The following RBM19 variants were observed in gnomAD, a reference collection of about 807,000 sequenced individuals.
RBM19 encodes RNA binding motif protein 19.
RBM19 carries 94 observed loss-of-function variants against 116.8 expected under a neutral mutation model. The observed-to-expected ratio is 0.80, with a 90% CI of 0.68 to 0.95. The LOEUF is 0.95. RBM19 is among the 40% of genes least tolerant of loss of function. The pLI is 0.00. For missense variants in RBM19, 1,161 were observed against 1,220.7 expected, an observed-to-expected ratio of 0.95 and a Z score of 0.73; for synonymous variants, 475 against 494.1, an observed-to-expected ratio of 0.96 and a Z score of 0.51.
intron 23 of RBM19, among the ~76,000 whole-genome samples, chr12:113,833,586 G>T (rs1325047536): frequency 6.6e-6 from 1 of 152,174 alleles, no homozygotes; most frequent in East Asian, 1.9e-4. Context: ...CATGGCTTCT[G>T]CTACCTGGGA....
chr12:113,876,803 A>C (rs573737498), intron 21 of RBM19, among the ~76,000 whole-genome samples: 4 of 152,284 alleles, frequency 2.6e-5, no homozygotes, highest in African/African-American at 7.2e-5. Context: ...AAAAAATAGT[A>C]ATAATACAAT....
In RBM19 at chr12:113,943,489, T is replaced by G. The variant is rs555352390; in HGVS notation, c.1627-1055A>C. Among the ~76,000 whole-genome samples the G allele has an allele frequency of 4.3e-3, 572 of 132,952 alleles. 4 individuals carry two copies. Among genetic ancestry groups the G allele is most frequent in the Non-Finnish European group, 7.1e-3 (424 of 59,624 alleles). The allele number at this position is 132,952 out of a possible 152,430, so 87.2% of individuals were successfully genotyped here. A position where few individuals can be genotyped will look rare whatever the true frequency, so the allele number is the denominator to read the frequency against. On this transcript the variant is annotated intron_variant, in intron 13 of 23. Transcript: ENST00000261741. The stretch of plus-strand genomic sequence containing the variant: ...GTGAGGAAAAAAAGACTACAATAGC[T>G]TGCAATTTTTTTTTTTAACATTGTG...
chr12:113,860,676 G>C (rs1258686340), intron 21 of RBM19, among the ~76,000 whole-genome samples: 1 of 152,174 alleles, frequency 6.6e-6, no homozygotes, highest in Non-Finnish European at 1.5e-5. Flanking sequence ...CACTAGCCCC[G>C]AGATGTCTTT....
intron 2 of RBM19, among the ~76,000 whole-genome samples, chr12:113,960,699 T>C (rs1872417575): frequency 1.3e-5 from 2 of 152,184 alleles, no homozygotes; most frequent in South Asian, 2.1e-4. Context: ...AACCAGGCTC[T>C]GGGCAGGGTA....
chr12:113,862,390 G>T (rs1338774048), intron 21 of RBM19, among the ~76,000 whole-genome samples: 1 of 152,070 alleles, frequency 6.6e-6, no homozygotes, highest in Non-Finnish European at 1.5e-5. Flanking sequence ...CTTGTATAAC[G>T]GTGTGGGATC....
chr12:113,925,001 G>A (rs7975250), intron 17 of RBM19, among the ~76,000 whole-genome samples: 70,641 of 151,876 alleles, frequency 0.47, 16,491 homozygotes, highest in East Asian at 0.67. Context: ...AGAACAGCGA[G>A]AGACTGACTG....
chr12:113,897,742 C>G (rs1359431108), intron 21 of RBM19, among the ~76,000 whole-genome samples: 2 of 152,244 alleles, frequency 1.3e-5, no homozygotes, highest in Admixed American at 6.5e-5. Flanking sequence ...GCCACCACTC[C>G]TGCAGATTAC....
intron 22 of RBM19, among the ~76,000 whole-genome samples, chr12:113,846,823 C>T (rs1156609427): frequency 6.6e-6 from 1 of 152,182 alleles, no homozygotes; most frequent in Non-Finnish European, 1.5e-5. Flanking sequence ...AGCAATCCTC[C>T]CACCTTGGCC....
intron 22 of RBM19, among the ~76,000 whole-genome samples, chr12:113,849,649 C>T (rs1042191199): frequency 1.3e-5 from 2 of 152,144 alleles, no homozygotes; most frequent in African/African-American, 4.8e-5. Flanking sequence ...CACTATGGCT[C>T]GAGAGATCGC....
intron 19 of RBM19, among the ~76,000 whole-genome samples, chr12:113,919,787 C>T (rs1280395995): frequency 6.6e-6 from 1 of 152,040 alleles, no homozygotes; most frequent in Non-Finnish European, 1.5e-5. Context: ...CCCTGTTCTC[C>T]CCACCTTCTC....
At chr12:113,943,494 A>AT (rs11422548) in intron 13 of RBM19, among the ~76,000 whole-genome samples, 24,850 of 150,448 alleles carry the variant, frequency 0.17, 2,766 homozygotes, top group African/African-American at 0.32. Flanking sequence ...ATAGCTTGCA[A>AT]TTTTTTTTTT....
chr12:113,860,064 G>A (rs918104539), intron 21 of RBM19, among the ~76,000 whole-genome samples: 9 of 152,330 alleles, frequency 5.9e-5, no homozygotes, highest in South Asian at 2.1e-4. Flanking sequence ...GAATCTGCAC[G>A]TCTCCTCGGA....
rs906063845 is a variant in RBM19 at position 113,965,421 on chromosome 12, G to A, written c.36+771C>T. ...ACACAACAAAGCTGAATTTGGGAGG[G>A]AAAGGAAGTGCAGCTACGCTAAAAA... is the stretch of plus-strand genomic sequence containing the variant. On this transcript the variant is annotated intron_variant, in intron 1 of 23. Transcript: ENST00000261741. Among the ~76,000 whole-genome samples the A allele has an allele frequency of 5.9e-5, 9 of 152,062 alleles. No individual in the cohort carries two copies. In the South Asian group the frequency reaches 6.2e-4, roughly 10 times the overall value.
intron 18 of RBM19, 25 bp from the exon 19 acceptor site, chr12:113,920,715 A>T: frequency 6.2e-7 from 1 of 1,602,654 alleles, no homozygotes; most frequent in South Asian, 1.1e-5. Context: ...TGGAAATCAC[A>T]CCAGTCGGTG....
downstream of RBM19, among the ~76,000 whole-genome samples, chr12:113,818,688 C>G (rs1377590877): frequency 6.6e-6 from 1 of 152,234 alleles, no homozygotes; most frequent in Non-Finnish European, 1.5e-5. Flanking sequence ...ATTCCTGCAC[C>G]CATTTGAAAG....
chr12:113,928,203 G>A (rs1323375475), intron 16 of RBM19, among the ~76,000 whole-genome samples: 1 of 152,036 alleles, frequency 6.6e-6, no homozygotes. Context: ...CGGGCATGGT[G>A]GTGGGCACCT....
At chr12:113,947,816 A>G (rs1403433472) in intron 10 of RBM19, among the ~76,000 whole-genome samples, 2 of 152,236 alleles carry the variant, frequency 1.3e-5, no homozygotes, top group Admixed American at 6.5e-5. Context: ...CCATGATGAT[A>G]TTAGCATCAT....
intron 6 of RBM19, among the ~76,000 whole-genome samples, chr12:113,956,135 C>T (rs1397352603): frequency 6.6e-6 from 1 of 152,154 alleles, no homozygotes; most frequent in Non-Finnish European, 1.5e-5. Flanking sequence ...GACTTCCCCA[C>T]ACTCTACTAC....
At chr12:113,928,819 T>C (rs1593602052) in intron 16 of RBM19, among the ~76,000 whole-genome samples, 1 of 152,154 alleles carries the variant, frequency 6.6e-6, no homozygotes, top group African/African-American at 2.4e-5. Flanking sequence ...ATGTGTTCAA[T>C]TCGTTTCAAG....
Sources: gnomAD v4.1 joint callset for allele counts (sites outside exome capture counted in the v4.1 genomes callset) on GRCh38, gnomAD v4.1.1 for gene constraint, MANE v1.5 for transcripts, NCBI Gene and HGNC (gene_info 2026-07-23, HGNC 2026-07-21) for gene names.